Variants in MSTO1 observed in about 807,000 individuals in gnomAD.
The protein encoded by MSTO1 is misato mitochondrial distribution and morphology regulator 1, also known as protein misato homolog 1.
In MSTO1, 24 loss-of-function variants were observed where a neutral mutation model predicts 55.7. The ratio of observed to expected loss-of-function variants is 0.43; its 90% confidence interval spans 0.31 to 0.61. MSTO1 has a LOEUF of 0.61. Among genes scored for constraint, MSTO1 ranks in the 20% least tolerant of loss-of-function variants. The pLI is 0.09. For synonymous variants in MSTO1, 162 were observed against 252.8 expected, an observed-to-expected ratio of 0.64 and a Z score of 3.41; for missense variants, 363 against 625.7, an observed-to-expected ratio of 0.58 and a Z score of 4.48.
At chr1:155,582,066 G>A in the MSTO1 span, among the ~76,000 whole-genome samples, 1 of 149,494 alleles carries the variant, frequency 6.7e-6, no homozygotes, top group Non-Finnish European at 1.5e-5. Flanking sequence ...ATCATTTTTT[G>A]TATTTTTAGT....
rs199622059 is a variant in MSTO1 at position 155,612,059 on chromosome 1, G to A, written c.637G>A (p.Asp213Asn). ...ACCCAAGTACCAGGAAGAGCTGGAGGACAGGCTGCATTTCTACGTGGAGGA... is the reference window on the plus strand; with the variant it reads ...ACCCAAGTACCAGGAAGAGCTGGAGAACAGGCTGCATTTCTACGTGGAGGA... The part of the protein sequence containing the change: ...KEPKYQEELE[D>N]RLHFYVEECD... The change falls in exon 7 of 14, where the codon GAC (aspartate) becomes AAC (asparagine). Residue 213 changes from aspartate (D) to asparagine (N), a missense_variant. By Grantham distance (23) the Asp-to-Asn change is conservative (BLOSUM62 1). This residue lies in a region of MSTO1 where 94 missense variants were observed against 212.4 expected (regional missense o/e 0.44). Transcript: ENST00000245564. The A allele has an allele frequency of 1.9e-4, 299 of 1,607,554 alleles. 1 individual carries two copies. The highest frequency in any genetic ancestry group is 3.2e-4 in the Admixed American group (19 of 59,368).
the MSTO1 span, among the ~76,000 whole-genome samples, chr1:155,602,574 A>G: frequency 6.6e-6 from 1 of 152,218 alleles, no homozygotes; most frequent in South Asian, 2.1e-4. Flanking sequence ...GGTAGTCTTT[A>G]TATGGATTCT....
chr1:155,572,394 G>C, the MSTO1 span, among the ~76,000 whole-genome samples: 1 of 152,076 alleles, frequency 6.6e-6, no homozygotes, highest in East Asian at 1.9e-4. Context: ...AGAAAGTCAT[G>C]ACAGACAAAT....
the MSTO1 span, among the ~76,000 whole-genome samples, chr1:155,578,326 A>C: frequency 6.3e-5 from 7 of 111,888 alleles, no homozygotes; most frequent in African/African-American, 1.8e-4. Context: ...AGAGGACCAT[A>C]ACTACCTTTC....
chr1:155,587,023 C>T, the MSTO1 span, among the ~76,000 whole-genome samples: 1 of 152,164 alleles, frequency 6.6e-6, no homozygotes, highest in Non-Finnish European at 1.5e-5. Flanking sequence ...GCTGGGATTA[C>T]AAGCATGAGC....
chr1:155,563,932 C>G, the MSTO1 span: 5 of 201,534 alleles, frequency 2.5e-5, no homozygotes, highest in East Asian at 6.9e-4. Flanking sequence ...GTTAATAAAA[C>G]AAAGCAAACA....
the MSTO1 span, among the ~76,000 whole-genome samples, chr1:155,596,681 A>C: frequency 6.6e-5 from 10 of 152,200 alleles, no homozygotes; most frequent in African/African-American, 2.4e-4. Context: ...AAGCTACTCA[A>C]GAGGTTTAGC....
the MSTO1 span, among the ~76,000 whole-genome samples, chr1:155,593,693 G>A: frequency 6.6e-6 from 1 of 152,250 alleles, no homozygotes; most frequent in Non-Finnish European, 1.5e-5. Flanking sequence ...TTCGGGCCGG[G>A]TGCGGTGGCT....
the MSTO1 span, among the ~76,000 whole-genome samples, chr1:155,597,612 C>A: frequency 6.6e-6 from 1 of 150,728 alleles, no homozygotes; most frequent in Non-Finnish European, 1.5e-5. Flanking sequence ...CGGGTTCAAG[C>A]GATTCTCCCG....
the MSTO1 span, among the ~76,000 whole-genome samples, chr1:155,582,755 G>A: frequency 1.3e-5 from 2 of 152,076 alleles, no homozygotes; most frequent in African/African-American, 4.8e-5. Flanking sequence ...CACCGCGCCC[G>A]GCCGGCTTAT....
chr1:155,601,912 G>A, the MSTO1 span, among the ~76,000 whole-genome samples: 1 of 152,024 alleles, frequency 6.6e-6, no homozygotes, highest in African/African-American at 2.4e-5. Flanking sequence ...CTGCCACTAT[G>A]CCCAGCTAAT....
Position 155,614,331 on chromosome 1 carries a change from C to G in MSTO1, c.*58C>G. ...CAATAAAAACAGCTGGATGCAGGAG[C>G]CCAGTGTCTTCATGCAGAGGAGCTC... On this transcript the variant is annotated 3_prime_UTR_variant, in exon 14 of 14. Coordinates refer to ENST00000245564, the MANE Select transcript of MSTO1 (RefSeq NM_018116.4). The G allele has an allele frequency of 1.2e-5, 7 of 573,430 alleles. No homozygotes were observed. The highest frequency in any genetic ancestry group is 1.9e-5 in the Non-Finnish European group (6 of 323,122). 35.5% of individuals were successfully genotyped at this position (573,430 alleles called of 1,614,324 possible). A position where few individuals can be genotyped will look rare whatever the true frequency, so the allele number is the denominator to read the frequency against.
At chr1:155,606,302 G>A (rs1672934517), upstream of MSTO1, among the ~76,000 whole-genome samples, 2 of 136,434 alleles carry the variant, frequency 1.5e-5, no homozygotes, top group East Asian at 2.2e-4. Context: ...TAAGTGATCC[G>A]CCTGCCTCAG....
chr1:155,595,469 C>T, the MSTO1 span, among the ~76,000 whole-genome samples: 3 of 150,606 alleles, frequency 2.0e-5, no homozygotes, highest in East Asian at 2.0e-4. Flanking sequence ...TGAGCCACCG[C>T]GCCCGGCCTC....
the MSTO1 span, among the ~76,000 whole-genome samples, chr1:155,594,411 G>GTAAATAAA: frequency 6.6e-6 from 1 of 151,954 alleles, no homozygotes; most frequent in Admixed American, 6.6e-5. Flanking sequence ...AGAAAATTAA[G>GTAAATAAA]TAAATAAATA....
At chr1:155,593,901 G>T in the MSTO1 span, among the ~76,000 whole-genome samples, 1 of 151,834 alleles carries the variant, frequency 6.6e-6, no homozygotes. Context: ...CCCGGGAGGC[G>T]GAGCTTGCAG....
chr1:155,606,198 CTTTTTTTTTTTTTT>C (rs747681932), upstream of MSTO1, among the ~76,000 whole-genome samples: 18 of 28,108 alleles, frequency 6.4e-4, no homozygotes, highest in East Asian at 6.2e-3. Flanking sequence ...CATGCCCAGC[CTTTTTTTTTTTTTT>C]TTTTTTTTTT....
the MSTO1 span, chr1:155,598,839 C>T: frequency 3.9e-5 from 55 of 1,400,014 alleles, no homozygotes; most frequent in Middle Eastern, 1.8e-4. Context: ...AGAAGGGAAC[C>T]GGAAAAACAC....
chr1:155,593,667 T>A, the MSTO1 span, among the ~76,000 whole-genome samples: 3 of 152,094 alleles, frequency 2.0e-5, no homozygotes, highest in Non-Finnish European at 2.9e-5. Flanking sequence ...CACAAGGCAG[T>A]GTAATAAAAT....
Sources: gnomAD v4.1 joint callset for allele counts (sites outside exome capture counted in the v4.1 genomes callset) on GRCh38, gnomAD v4.1.1 for gene constraint, gnomAD v4.1.1 regional missense constraint, MANE v1.5 for transcripts, NCBI Gene and HGNC (gene_info 2026-07-23, HGNC 2026-07-21) for gene names.